The following STT3B variants were observed in gnomAD, a reference collection of about 807,000 sequenced individuals.
STT3B encodes dolichyl-diphosphooligosaccharide--protein glycosyltransferase subunit STT3B.
STT3B carries 29 observed loss-of-function variants against 96.8 expected under a neutral mutation model. The observed-to-expected ratio is 0.30, with a 90% confidence interval of 0.22 to 0.41. The LOEUF is 0.41. STT3B is among the 10% of genes least tolerant of loss of function. The pLI is 1.00. For missense variants in STT3B, 640 were observed against 1,022.3 expected (o/e 0.63, Z 5.10); for synonymous variants, 367 against 360.0 (o/e 1.02, Z -0.22).
intron 1 of STT3B, among the ~76,000 whole-genome samples, chr3:31,575,949 T>C (rs1575422132): frequency 6.6e-6 from 1 of 152,120 alleles, no homozygotes; most frequent in Non-Finnish European, 1.5e-5. Flanking sequence ...TATAAGGCCA[T>C]ATTCTTGTTT....
At chr3:31,619,349 G>A (rs111907785) in intron 8 of STT3B, among the ~76,000 whole-genome samples, 97 of 152,266 alleles carry the variant, frequency 6.4e-4, no homozygotes, top group Non-Finnish European at 1.3e-3. Flanking sequence ...AATGAGACTC[G>A]TTGATGCAAA....
At chr3:31,581,077 T>C (rs562457739) in intron 3 of STT3B, among the ~76,000 whole-genome samples, 1 of 152,156 alleles carries the variant, frequency 6.6e-6, no homozygotes, top group Admixed American at 6.5e-5. Context: ...GAAAAATAAG[T>C]TGTGATAAAA....
intron 15 of STT3B, among the ~76,000 whole-genome samples, chr3:31,633,677 T>C (rs1213518179): frequency 2.6e-5 from 4 of 152,132 alleles, no homozygotes; most frequent in Admixed American, 2.6e-4. Flanking sequence ...TGCAATTCTT[T>C]TCTAATATTA....
At chr3:31,545,191 A>G (rs1487069137) in intron 1 of STT3B, among the ~76,000 whole-genome samples, 4 of 152,218 alleles carry the variant, frequency 2.6e-5, no homozygotes, top group Non-Finnish European at 4.4e-5. Flanking sequence ...AGCAACTAAA[A>G]TCTTTTTAAA....
chr3:31,565,572 G>T (rs1575416731), intron 1 of STT3B, among the ~76,000 whole-genome samples: 1 of 152,156 alleles, frequency 6.6e-6, no homozygotes, highest in East Asian at 1.9e-4. Flanking sequence ...TGGTTGAATT[G>T]GTTAATATAA....
At chr3:31,631,755 G>C (rs1161242005) in intron 14 of STT3B, among the ~76,000 whole-genome samples, 1 of 151,754 alleles carries the variant, frequency 6.6e-6, no homozygotes, top group Admixed American at 6.6e-5. Flanking sequence ...AGACTAGCCT[G>C]GCCAAGATGG....
intron 5 of STT3B, among the ~76,000 whole-genome samples, chr3:31,604,583 T>C (rs1368472596): frequency 1.3e-5 from 2 of 152,234 alleles, no homozygotes; most frequent in Non-Finnish European, 2.9e-5. Context: ...AATACTGTTT[T>C]GTGCTAGCCA....
At chr3:31,569,130 C>T (rs965442670) in intron 1 of STT3B, among the ~76,000 whole-genome samples, 13 of 152,134 alleles carry the variant, frequency 8.5e-5, no homozygotes, top group Admixed American at 8.5e-4. Context: ...CTGCCTTAGC[C>T]TCCTGAGTTG....
chr3:31,558,284 T>C (rs1211638883), intron 1 of STT3B, among the ~76,000 whole-genome samples: 1 of 152,218 alleles, frequency 6.6e-6, no homozygotes, highest in Non-Finnish European at 1.5e-5. Flanking sequence ...TTTCAACTTT[T>C]CTTAATTCAG....
At chr3:31,616,659 G>C (rs1699313015) in intron 6 of STT3B, among the ~76,000 whole-genome samples, 1 of 151,540 alleles carries the variant, frequency 6.6e-6, no homozygotes, top group Admixed American at 6.6e-5. Context: ...GTGTTAAATA[G>C]GCTTGTTATT....
intron 1 of STT3B, among the ~76,000 whole-genome samples, chr3:31,548,849 C>G (rs1575408238): frequency 6.6e-6 from 1 of 152,108 alleles, no homozygotes; most frequent in Non-Finnish European, 1.5e-5. Flanking sequence ...ACCACATATT[C>G]CAGAAATTAC....
chr3:31,597,921 G>A (rs1005715691), intron 4 of STT3B, among the ~76,000 whole-genome samples: 1 of 149,366 alleles, frequency 6.7e-6, no homozygotes, highest in Non-Finnish European at 1.5e-5. Context: ...CGGCAACCTC[G>A]GCCTCCTGGG....
At chr3:31,603,179 G>A (rs1454028791) in intron 5 of STT3B, among the ~76,000 whole-genome samples, 1 of 152,172 alleles carries the variant, frequency 6.6e-6, no homozygotes, top group African/African-American at 2.4e-5. Flanking sequence ...TGTTCTAAGT[G>A]TTGAATTAAA....
At chr3:31,539,438 TTCAG>T (rs1253505282) in intron 1 of STT3B, among the ~76,000 whole-genome samples, 7 of 152,188 alleles carry the variant, frequency 4.6e-5, no homozygotes, top group African/African-American at 1.7e-4. Context: ...GATAATTCAA[TTCAG>T]TATTTCCCAC....
At chr3:31,547,141 G>T (rs1423344886) in intron 1 of STT3B, among the ~76,000 whole-genome samples, 8 of 152,094 alleles carry the variant, frequency 5.3e-5, no homozygotes, top group Admixed American at 5.2e-4. Flanking sequence ...GACTTGCCTG[G>T]AGTGACAGAG....
chr3:31,624,263 C>T (rs1699487569), intron 11 of STT3B, among the ~76,000 whole-genome samples: 1 of 152,220 alleles, frequency 6.6e-6, no homozygotes, highest in African/African-American at 2.4e-5. Context: ...CCTTGTGCTC[C>T]TGTGAAGCTC....
At chr3:31,543,996 G>A (rs922533500) in intron 1 of STT3B, among the ~76,000 whole-genome samples, 1 of 152,070 alleles carries the variant, frequency 6.6e-6, no homozygotes, top group East Asian at 1.9e-4. Flanking sequence ...AGCAATAGAA[G>A]TAAAATTCAC....
chr3:31,620,593 A>G (rs1321883601), intron 9 of STT3B, among the ~76,000 whole-genome samples: 3 of 152,234 alleles, frequency 2.0e-5, no homozygotes, highest in Non-Finnish European at 2.9e-5. Flanking sequence ...TAAGACTTGA[A>G]ATACAAAATA....
At chr3:31,617,573 G>C (rs1419803193) in intron 7 of STT3B, among the ~76,000 whole-genome samples, 2 of 151,922 alleles carry the variant, frequency 1.3e-5, no homozygotes, top group African/African-American at 4.8e-5. Flanking sequence ...TACTGGACTA[G>C]ATCATTTAGA....
Sources: allele counts gnomAD v4.1 joint callset (sites outside exome capture counted in the v4.1 genomes callset), GRCh38; gene constraint gnomAD v4.1.1; transcripts MANE v1.5; gene names NCBI Gene and HGNC (gene_info 2026-07-23, HGNC 2026-07-21).